Variants in PARD3B observed in about 807,000 individuals in gnomAD.
PARD3B encodes the protein partitioning defective 3 homolog B.
PARD3B carries 103 observed loss-of-function variants against 130.2 expected under a neutral mutation model. The ratio of observed to expected loss-of-function variants is 0.79; its 90% confidence interval spans 0.67 to 0.93. PARD3B has a LOEUF of 0.93. PARD3B is among the 40% of genes least tolerant of loss of function. PARD3B has a pLI of 0.00. For synonymous variants in PARD3B, 583 were observed against 553.2 expected (o/e 1.05, Z -0.76); for missense variants, 1,609 against 1,499.2 (o/e 1.07, Z -1.21).
chr2:205,082,526 T>C (rs1392510744), intron 4 of PARD3B, among the ~76,000 whole-genome samples: 2 of 152,214 alleles, frequency 1.3e-5, no homozygotes, highest in East Asian at 3.8e-4. Context: ...GGAAAACTGA[T>C]AACGCAGAAA....
chr2:205,130,943 TGTC>T (rs2031942976), intron 10 of PARD3B, among the ~76,000 whole-genome samples: 1 of 152,186 alleles, frequency 6.6e-6, no homozygotes, highest in Non-Finnish European at 1.5e-5. Context: ...AGTCCAACAC[TGTC>T]ATGGTTACCT....
intron 2 of PARD3B, among the ~76,000 whole-genome samples, chr2:204,741,370 A>G (rs2040002635): frequency 6.6e-6 from 1 of 152,254 alleles, no homozygotes; most frequent in African/African-American, 2.4e-5. Flanking sequence ...TTTTTCTATG[A>G]TAGGCCTGAG....
At chr2:205,501,045 G>A (rs2050140972) in intron 21 of PARD3B, among the ~76,000 whole-genome samples, 1 of 152,246 alleles carries the variant, frequency 6.6e-6, no homozygotes, top group South Asian at 2.1e-4. Flanking sequence ...TAAGGTCAGA[G>A]TGGGGAGAAT....
rs541989083 is a variant in PARD3B at position 204,813,468 on chromosome 2, G to A, written c.222+127186G>A. On this transcript the variant is annotated intron_variant, in intron 2 of 22. Coordinates refer to ENST00000406610, the MANE Select transcript of PARD3B (RefSeq NM_001302769.2). ...GATTTGATAGTACTTTCTTCAGGCT[G>A]TGGATTATCTTCTTATTTTCTTAAA... is the stretch of plus-strand genomic sequence containing the variant. 3.5e-4 allele frequency among the ~76,000 whole-genome samples: 53 copies of A among 152,158 alleles called. No individual in the cohort carries two copies. The South Asian group carries it at 0.011, about 31-fold the overall frequency.
At chr2:205,259,781 G>C (rs750531004) in intron 16 of PARD3B, among the ~76,000 whole-genome samples, 1 of 152,086 alleles carries the variant, frequency 6.6e-6, no homozygotes, top group African/African-American at 2.4e-5. Flanking sequence ...CTGAGTACAA[G>C]TCGAGTATCT....
At chr2:204,880,871 T>C (rs1295251995) in intron 2 of PARD3B, among the ~76,000 whole-genome samples, 2 of 152,112 alleles carry the variant, frequency 1.3e-5, no homozygotes, top group Non-Finnish European at 2.9e-5. Flanking sequence ...CCTGCAATTA[T>C]ATTAGAACAA....
rs62172728 is a variant in PARD3B at position 205,179,021 on chromosome 2, C to G, written c.1924+2444C>G. Among the ~76,000 whole-genome samples the G allele has an allele frequency of 4.2e-3, 636 of 152,218 alleles. 3 individuals carry two copies. The highest frequency in any genetic ancestry group is 6.2e-3 in the Non-Finnish European group (423 of 68,010). On this transcript the variant is annotated intron_variant, in intron 13 of 22. Coordinates refer to ENST00000406610, the MANE Select transcript of PARD3B (RefSeq NM_001302769.2). ...TGTGCCTGTTACTGCCCCTGAAGAC[C>G]TTCCAGTGGGATAAGATATGAAGGG... is the stretch of plus-strand genomic sequence containing the variant.
In PARD3B at chr2:205,128,294, A is replaced by T; in HGVS notation, c.1434+2557A>T. 6.6e-6 allele frequency among the ~76,000 whole-genome samples: 1 copy of T among 152,130 alleles called. No homozygotes were observed. Among genetic ancestry groups the T allele is most frequent in the Non-Finnish European group, 1.5e-5 (1 of 68,014 alleles). On this transcript the variant is annotated intron_variant, in intron 10 of 22. Transcript: ENST00000406610. This position sits in a 1 kb window ranked among gnomAD's most constrained non-coding sequence, Gnocchi z 4.5. ...CAGTTTCTGTCTAGTAGTTCCTTAT[A>T]CCTTTCTCCCATATGTCCTCTGGAA...
intron 18 of PARD3B, among the ~76,000 whole-genome samples, chr2:205,355,824 C>G (rs541390269): frequency 1.5e-4 from 23 of 152,292 alleles, no homozygotes; most frequent in African/African-American, 5.5e-4. Context: ...AGCAAGGCAT[C>G]TTCTTCACAA....
At chr2:204,777,991 GCTGT>G (rs1163841082) in intron 2 of PARD3B, among the ~76,000 whole-genome samples, 3 of 151,990 alleles carry the variant, frequency 2.0e-5, no homozygotes, top group Non-Finnish European at 4.4e-5. Context: ...TTGTGAAGAG[GCTGT>G]CTACTTCCCC....
chr2:204,841,476 T>C (rs531439542), intron 2 of PARD3B, among the ~76,000 whole-genome samples: 6 of 152,290 alleles, frequency 3.9e-5, no homozygotes, highest in South Asian at 2.1e-4. Flanking sequence ...CCCTGTTGTG[T>C]CTTGTTGAGT....
At chr2:205,061,857 G>A (rs1473447763) in intron 4 of PARD3B, among the ~76,000 whole-genome samples, 1 of 150,950 alleles carries the variant, frequency 6.6e-6, no homozygotes, top group East Asian at 1.9e-4. Context: ...CTACATCAAT[G>A]AACCCAGCCC....
chr2:205,003,984 G>A (rs971017653), intron 3 of PARD3B, among the ~76,000 whole-genome samples: 1 of 152,128 alleles, frequency 6.6e-6, no homozygotes, highest in Non-Finnish European at 1.5e-5. Flanking sequence ...TGGGGTCTGG[G>A]GCAGGGAGGC....
chr2:205,573,899 G>C (rs965718222), intron 22 of PARD3B, among the ~76,000 whole-genome samples: 1 of 152,104 alleles, frequency 6.6e-6, no homozygotes, highest in Non-Finnish European at 1.5e-5. Flanking sequence ...CCATACCGTG[G>C]CTTCTCTCTA....
At chr2:204,814,561 A>G (rs2043076952) in intron 2 of PARD3B, among the ~76,000 whole-genome samples, 1 of 151,856 alleles carries the variant, frequency 6.6e-6, no homozygotes, top group Non-Finnish European at 1.5e-5. Flanking sequence ...TCATTTTTTT[A>G]ACTTACCTTA....
intron 15 of PARD3B, among the ~76,000 whole-genome samples, chr2:205,197,049 G>A (rs1921785): frequency 0.54 from 73,244 of 135,336 alleles, 18,177 homozygotes; most frequent in African/African-American, 0.6. Flanking sequence ...GTGTGTGTGT[G>A]TGTGTGTGTG....
chr2:204,879,162 A>T (rs1294364158), intron 2 of PARD3B, among the ~76,000 whole-genome samples: 1 of 152,158 alleles, frequency 6.6e-6, no homozygotes. Flanking sequence ...TCAAGTTTTT[A>T]AAAAATTGCA....
chr2:205,019,176 C>T (rs1309059771), intron 3 of PARD3B, among the ~76,000 whole-genome samples: 1 of 152,150 alleles, frequency 6.6e-6, no homozygotes, highest in Non-Finnish European at 1.5e-5. Context: ...CACTAATCTA[C>T]TTTCTGTCTT....
At chr2:205,385,546 A>G (rs1227024197) in intron 18 of PARD3B, among the ~76,000 whole-genome samples, 1 of 152,146 alleles carries the variant, frequency 6.6e-6, no homozygotes, top group Non-Finnish European at 1.5e-5. Context: ...AAATATACTT[A>G]GCCTGAGTTT....
Sources: gnomAD v4.1 joint callset for allele counts (sites outside exome capture counted in the v4.1 genomes callset) on GRCh38, gnomAD v4.1.1 for gene constraint, Gnocchi (gnomAD v3.1) non-coding constraint, MANE v1.5 for transcripts, NCBI Gene and HGNC (gene_info 2026-07-23, HGNC 2026-07-21) for gene names.